Variants in TTC29 observed in about 807,000 individuals in gnomAD.
TTC29 encodes the protein tetratricopeptide repeat protein 29.
TTC29 carries 49 observed loss-of-function variants against 58.1 expected under a neutral mutation model. That is an observed-to-expected ratio of 0.84 (90% CI 0.67 to 1.07). The LOEUF (loss-of-function observed/expected upper bound fraction) is 1.07. Among genes scored for constraint, TTC29 ranks in the 50% least tolerant of loss-of-function variants. The probability of loss-of-function intolerance (pLI) is 0.00; values close to 1 mark genes in which losing one functional copy is unlikely to be tolerated. For missense variants in TTC29, 582 were observed against 555.6 expected, an observed-to-expected ratio of 1.05 and a Z score of -0.48; for synonymous variants, 209 against 196.8, an observed-to-expected ratio of 1.06 and a Z score of -0.52.
At chr4:146,867,744 T>C (rs1347226998) in intron 7 of TTC29, among the ~76,000 whole-genome samples, 161 bp from the exon 8 acceptor site, 2 of 152,156 alleles carry the variant, frequency 1.3e-5, no homozygotes, top group Non-Finnish European at 2.9e-5. Flanking sequence ...AAAAGGCTGA[T>C]GTAAACACAA....
At chr4:146,816,525 T>G (rs1400820165) in intron 10 of TTC29, among the ~76,000 whole-genome samples, 1 of 151,196 alleles carries the variant, frequency 6.6e-6, no homozygotes, top group East Asian at 1.9e-4. Context: ...AACAACGTGG[T>G]GGAGATGGGG....
intron 9 of TTC29, among the ~76,000 whole-genome samples, chr4:146,825,918 T>C (rs934611503): frequency 1.3e-5 from 2 of 151,976 alleles, no homozygotes; most frequent in African/African-American, 4.8e-5. Context: ...GAGACTAGGA[T>C]TGCAACCCCT....
At chr4:146,872,044 G>A (rs1175084012) in intron 7 of TTC29, among the ~76,000 whole-genome samples, 1 of 152,062 alleles carries the variant, frequency 6.6e-6, no homozygotes, top group Non-Finnish European at 1.5e-5. Flanking sequence ...GTAGTTGTAA[G>A]TTAGACAAGA....
intron 9 of TTC29, among the ~76,000 whole-genome samples, chr4:146,821,335 T>G (rs565082303): frequency 6.6e-6 from 1 of 152,318 alleles, no homozygotes; most frequent in African/African-American, 2.4e-5. Context: ...AGACTTTAAA[T>G]TTTTAAAGTG....
intron 11 of TTC29, among the ~76,000 whole-genome samples, chr4:146,756,292 T>C (rs1460567589): frequency 1.3e-5 from 2 of 150,474 alleles, no homozygotes; most frequent in Non-Finnish European, 3.0e-5. Flanking sequence ...AAAAAAAATC[T>C]GTAGTCAGAT....
intron 8 of TTC29, among the ~76,000 whole-genome samples, chr4:146,838,361 G>A (rs190994207): frequency 2.1e-4 from 32 of 150,076 alleles, no homozygotes; most frequent in African/African-American, 7.9e-4. Context: ...GCAATAGCCT[G>A]AGGGAATATC....
chr4:146,806,202 A>C (rs113350196), intron 10 of TTC29, among the ~76,000 whole-genome samples: 9,510 of 152,262 alleles, frequency 0.062, 400 homozygotes, highest in Admixed American at 0.13. Context: ...TTTGTCACCA[A>C]CAGGCCTGCC....
At chr4:146,896,972 C>G (rs528438736) in intron 6 of TTC29, among the ~76,000 whole-genome samples, 6 of 152,232 alleles carry the variant, frequency 3.9e-5, no homozygotes, top group Admixed American at 2.0e-4. Flanking sequence ...TGTTCTTTTT[C>G]CCAAGTTAAG....
intron 1 of TTC29, 22 bp from the exon 2 acceptor site, chr4:146,945,099 A>G (rs1179652144): frequency 6.6e-6 from 1 of 152,246 alleles, no homozygotes; most frequent in Non-Finnish European, 1.5e-5. Flanking sequence ...GAAGCAAAGA[A>G]TAATAGCAAA....
intron 8 of TTC29, among the ~76,000 whole-genome samples, chr4:146,845,734 C>T (rs1223501280): frequency 6.6e-6 from 1 of 152,142 alleles, no homozygotes; most frequent in African/African-American, 2.4e-5. Context: ...TCTCTGCCTC[C>T]AGGCCCTTGT....
intron 9 of TTC29, among the ~76,000 whole-genome samples, chr4:146,829,193 A>G (rs1196887249): frequency 1.3e-5 from 2 of 152,216 alleles, no homozygotes; most frequent in African/African-American, 4.8e-5. Context: ...AGAATGAAAC[A>G]GTGCAGAATA....
At chr4:146,780,685 T>TAC (rs879865237) in intron 11 of TTC29, among the ~76,000 whole-genome samples, 105 of 151,244 alleles carry the variant, frequency 6.9e-4, no homozygotes, top group African/African-American at 1.9e-3. Context: ...TATATTAAAG[T>TAC]ACACACACAC....
intron 11 of TTC29, among the ~76,000 whole-genome samples, chr4:146,785,296 G>A (rs574474777): frequency 1.3e-5 from 2 of 151,098 alleles, no homozygotes; most frequent in South Asian, 2.1e-4. Context: ...AAGTTCAAGC[G>A]ATTCTTCTGC....
Position 146,874,760 on chromosome 4 carries a change from T to G in TTC29, c.755A>C (p.Gln252Pro). 1 of 1,609,078 alleles carries G rather than the reference T, an allele frequency of 6.2e-7. No homozygotes were observed. Among genetic ancestry groups the G allele is most frequent in the Middle Eastern group, 2.0e-4 (1 of 5,068 alleles). The stretch of plus-strand genomic sequence containing the variant: ...AGCTTTTATTAGAATTTTGATGGCC[T>G]GTTTGTATTCTTTATTTTCTAGCAT... Reference protein sequence around the residue: ...DKMLENKEYKQAIKILIKASE... With the variant: ...DKMLENKEYKPAIKILIKASE... The change falls in exon 7 of 13, where the codon CAG becomes CCG. Residue 252 changes from glutamine to proline, a missense_variant. Transcript: ENST00000325106.
chr4:146,801,798 A>G (rs1750238044), intron 11 of TTC29, among the ~76,000 whole-genome samples: 1 of 151,768 alleles, frequency 6.6e-6, no homozygotes, highest in East Asian at 1.9e-4. Flanking sequence ...AAGACTGTGA[A>G]ACCCCATCTC....
intron 6 of TTC29, among the ~76,000 whole-genome samples, chr4:146,880,826 C>T (rs1407036547): frequency 6.6e-6 from 1 of 151,968 alleles, no homozygotes; most frequent in East Asian, 1.9e-4. Flanking sequence ...CAAACTAAAG[C>T]CATATAACAT....
chr4:146,937,615 A>G lies in TTC29; in HGVS notation c.155T>C (p.Leu52Ser), dbSNP rs771534767. The change falls in exon 4 of 13, where the codon TTA (leucine) becomes TCA (serine). Residue 52 changes from leucine to serine, a missense_variant. Physicochemically the swap from Leu to Ser is moderately radical, Grantham distance 145. Coordinates refer to ENST00000325106, the MANE Select transcript of TTC29 (RefSeq NM_031956.4). ...DHYLEVNFKG[L>S]SKEEVAAYRN... ...TTACGCAGCAACTTCCTCTTTTGAT[A>G]ATCCTTTGAAATTTACCTCTAGATA... 1.3e-6 allele frequency: 2 copies of G among 1,535,332 alleles called. No individual in the cohort carries two copies. Among genetic ancestry groups the G allele is most frequent in the Non-Finnish European group, 1.8e-6 (2 of 1,136,738 alleles).
chr4:146,807,583 A>G (rs963876766), intron 10 of TTC29, among the ~76,000 whole-genome samples: 2 of 152,222 alleles, frequency 1.3e-5, no homozygotes, highest in Non-Finnish European at 1.5e-5. Flanking sequence ...ACAGAAATAC[A>G]AACTACCATC....
chr4:146,846,645 G>T (rs931458278), intron 8 of TTC29, among the ~76,000 whole-genome samples: 1 of 152,114 alleles, frequency 6.6e-6, no homozygotes, highest in African/African-American at 2.4e-5. Flanking sequence ...GGATCAGGGG[G>T]TGTTTTACAT....
Sources: gnomAD v4.1 joint callset for allele counts (sites outside exome capture counted in the v4.1 genomes callset) on GRCh38, gnomAD v4.1.1 for gene constraint, MANE v1.5 for transcripts, NCBI Gene and HGNC (gene_info 2026-07-23, HGNC 2026-07-21) for gene names.